Variants in DSCAM observed in about 807,000 individuals in gnomAD.
DSCAM encodes cell adhesion molecule DSCAM.
DSCAM carries 47 observed loss-of-function variants against 217.7 expected under a neutral mutation model. The observed-to-expected ratio is 0.22, with a 90% CI of 0.17 to 0.28. DSCAM has a LOEUF of 0.28. Ranked by LOEUF, DSCAM falls within the 10% of genes least tolerant of loss-of-function variation. DSCAM has a pLI of 1.00. For synonymous variants in DSCAM, 1,056 were observed against 1,015.3 expected (o/e 1.04, Z -0.76); for missense variants, 2,080 against 2,618.3 (o/e 0.79, Z 4.49).
chr21:40,101,565 G>A (rs576473097), intron 20 of DSCAM, among the ~76,000 whole-genome samples: 2 of 152,246 alleles, frequency 1.3e-5, no homozygotes, highest in South Asian at 4.2e-4. Context: ...GAAGCATGCA[G>A]TATAGGTCCC....
intron 8 of DSCAM, among the ~76,000 whole-genome samples, chr21:40,326,588 C>T (rs967155822): frequency 7.2e-5 from 11 of 152,156 alleles, no homozygotes; most frequent in Non-Finnish European, 7.4e-5. Context: ...AGGGAATATT[C>T]GAACCAGAAA....
In DSCAM at chr21:40,482,296, T is replaced by C. The variant is rs1041408878; in HGVS notation, c.509-113051A>G. Among the ~76,000 whole-genome samples the C allele has an allele frequency of 8.5e-5, 13 of 152,240 alleles. No individual in the cohort carries two copies. In the East Asian group the frequency reaches 2.5e-3, roughly 29 times the overall value. ...CTTATGTAGTGTCAGAAGCACTTTT[T>C]CTAACATGTAGCTTTATGCCCTTAT... is the stretch of plus-strand genomic sequence containing the variant. On this transcript the variant is annotated intron_variant, in intron 3 of 32. Coordinates refer to ENST00000400454, the MANE Select transcript of DSCAM (RefSeq NM_001389.5).
chr21:40,503,592 C>T (rs531028612), intron 3 of DSCAM, among the ~76,000 whole-genome samples: 10 of 152,270 alleles, frequency 6.6e-5, no homozygotes, highest in Non-Finnish European at 8.8e-5. Context: ...GCTGCACATC[C>T]GCTGATTTTC....
intron 3 of DSCAM, among the ~76,000 whole-genome samples, chr21:40,628,354 A>G (rs1451220908): frequency 6.6e-6 from 1 of 152,194 alleles, no homozygotes; most frequent in Non-Finnish European, 1.5e-5. Context: ...CCTCAACTGC[A>G]CTTCTACAAA....
chr21:40,773,265 G>C (rs191173330), intron 1 of DSCAM, among the ~76,000 whole-genome samples: 1 of 152,336 alleles, frequency 6.6e-6, no homozygotes, highest in East Asian at 1.9e-4. Context: ...TTAAACAATA[G>C]AAATTTGGTC....
chr21:40,077,092 G>T (rs1184376828), intron 26 of DSCAM, among the ~76,000 whole-genome samples: 4 of 152,140 alleles, frequency 2.6e-5, no homozygotes, highest in African/African-American at 9.7e-5. Flanking sequence ...TTAGAAAGAG[G>T]CAGCCCATGA....
chr21:40,622,280 G>A (rs2089530858), intron 3 of DSCAM, among the ~76,000 whole-genome samples: 1 of 53,930 alleles, frequency 1.9e-5, no homozygotes, highest in Admixed American at 2.2e-4. Flanking sequence ...CACTGTTGGA[G>A]GTGTACAAAA....
chr21:40,611,416 C>T (rs2089313560), intron 3 of DSCAM, among the ~76,000 whole-genome samples: 1 of 152,110 alleles, frequency 6.6e-6, no homozygotes, highest in African/African-American at 2.4e-5. Context: ...ATTATCATTT[C>T]CACATGTAAT....
At chr21:40,176,206 G>A (rs940146910) in intron 15 of DSCAM, among the ~76,000 whole-genome samples, 5 of 152,130 alleles carry the variant, frequency 3.3e-5, no homozygotes, top group Non-Finnish European at 7.4e-5. Flanking sequence ...GGAACTTGTA[G>A]TGCCTTCAAG....
At chr21:40,753,276 T>C (rs1196592081) in intron 1 of DSCAM, among the ~76,000 whole-genome samples, 2 of 152,250 alleles carry the variant, frequency 1.3e-5, no homozygotes, top group Non-Finnish European at 2.9e-5. Flanking sequence ...ATGGAAAATC[T>C]GGTTGTCCAT....
intron 10 of DSCAM, among the ~76,000 whole-genome samples, chr21:40,289,098 G>A (rs1032387766): frequency 6.6e-6 from 1 of 152,132 alleles, no homozygotes; most frequent in Non-Finnish European, 1.5e-5. Context: ...CTCTTCCTGG[G>A]AACAACATGA....
intron 3 of DSCAM, among the ~76,000 whole-genome samples, chr21:40,426,922 A>AG (rs2075480464): frequency 2.0e-5 from 3 of 152,208 alleles, no homozygotes; most frequent in East Asian, 3.9e-4. Context: ...TGAAAAAAAA[A>AG]TCTAGTGTGC....
At chr21:40,250,118 T>C (rs60543668) in intron 11 of DSCAM, among the ~76,000 whole-genome samples, 2,703 of 152,306 alleles carry the variant, frequency 0.018, 68 homozygotes, top group African/African-American at 0.062. Flanking sequence ...CAATGTCGTA[T>C]CCTTGCCTGG....
At chr21:40,376,721 T>A (rs1444428859) in intron 3 of DSCAM, among the ~76,000 whole-genome samples, 2 of 145,466 alleles carry the variant, frequency 1.4e-5, no homozygotes, top group African/African-American at 5.0e-5. Flanking sequence ...TATCTATATA[T>A]CATATATATG....
chr21:40,795,135 C>A (rs112558865), intron 1 of DSCAM, among the ~76,000 whole-genome samples: 13 of 152,116 alleles, frequency 8.5e-5, no homozygotes, highest in African/African-American at 3.1e-4. Flanking sequence ...ACTCTCGGCC[C>A]CAGTTGAATG....
At chr21:40,387,874 A>G (rs2123747166) in intron 3 of DSCAM, among the ~76,000 whole-genome samples, 1 of 152,354 alleles carries the variant, frequency 6.6e-6, no homozygotes, top group African/African-American at 2.4e-5. Flanking sequence ...GGGCAGAAAT[A>G]AAACACATAA....
intron 3 of DSCAM, among the ~76,000 whole-genome samples, chr21:40,524,101 C>T (rs1439565657): frequency 6.6e-6 from 1 of 152,104 alleles, no homozygotes; most frequent in Non-Finnish European, 1.5e-5. Context: ...ATCTTAGTGG[C>T]AGTTGGGTCC....
intron 4 of DSCAM, among the ~76,000 whole-genome samples, chr21:40,365,728 T>C (rs1366193971): frequency 1.3e-5 from 2 of 152,128 alleles, no homozygotes; most frequent in Non-Finnish European, 2.9e-5. Context: ...CAGTCCTCAA[T>C]ACCAAACTCA....
At chr21:40,765,702 A>T (rs538285403) in intron 1 of DSCAM, among the ~76,000 whole-genome samples, 11 of 152,262 alleles carry the variant, frequency 7.2e-5, no homozygotes, top group African/African-American at 2.6e-4. Flanking sequence ...GTTCAGGGAC[A>T]TTTTGCTAGT....
Sources: gnomAD v4.1 joint callset for allele counts (sites outside exome capture counted in the v4.1 genomes callset) on GRCh38, gnomAD v4.1.1 for gene constraint, MANE v1.5 for transcripts, NCBI Gene and HGNC (gene_info 2026-07-23, HGNC 2026-07-21) for gene names.